ASB3: variants seen among roughly 807,000 people sequenced by gnomAD.
The protein encoded by ASB3 is ankyrin repeat and SOCS box protein 3.
In ASB3, 41 loss-of-function variants were observed where a neutral mutation model predicts 54.5. That is an observed-to-expected ratio of 0.75 (90% confidence interval 0.59 to 0.98). ASB3 has a LOEUF of 0.98. ASB3 is among the 50% of genes least tolerant of loss of function. The probability of loss-of-function intolerance (pLI) is 0.00; values close to 1 mark genes in which losing one functional copy is unlikely to be tolerated. For missense variants in ASB3, 733 were observed against 620.0 expected, an observed-to-expected ratio of 1.18 and a Z score of -1.94; for synonymous variants, 266 against 221.2, an observed-to-expected ratio of 1.20 and a Z score of -1.80.
Position 53,765,508 on chromosome 2 carries a change from T to A in ASB3, c.65A>T (p.Asn22Ile), listed in dbSNP as rs745841024. 5 of 1,614,086 alleles carry A rather than the reference T, an allele frequency of 3.1e-6. No homozygotes were observed. In the South Asian group the frequency reaches 5.5e-5, roughly 18 times the overall value. Residue 22 changes from asparagine to isoleucine, a missense_variant, in exon 2 of 10, where the codon AAT (asparagine) becomes ATT (isoleucine). Asn to Ile is a moderately radical substitution (Grantham distance 149, BLOSUM62 -3). Transcript: ENST00000263634. The part of the protein sequence containing the change: ...STVGLAAREG[N>I]VKVLRKLLKK... ...GAGCAGTTTCCTTAAGACTTTAACATTGCCTTCCCTGGCAGCAAGTCCAAC... is the reference window on the plus strand; with the variant it reads ...GAGCAGTTTCCTTAAGACTTTAACAATGCCTTCCCTGGCAGCAAGTCCAAC...
intron 2 of ASB3, among the ~76,000 whole-genome samples, chr2:53,762,616 G>T (rs1171504833): frequency 6.6e-6 from 1 of 151,932 alleles, no homozygotes; most frequent in Non-Finnish European, 1.5e-5. Context: ...GATTTTTAAG[G>T]GACTTTTAGT....
chr2:53,736,086 C>T (rs935074486), intron 3 of ASB3, among the ~76,000 whole-genome samples: 1 of 148,036 alleles, frequency 6.8e-6, no homozygotes, highest in African/African-American at 2.5e-5. Context: ...AAGCAATAAA[C>T]ATAAAGGTAA....
At chr2:53,674,899 C>G (rs1224038475) in intron 9 of ASB3, among the ~76,000 whole-genome samples, 1 of 151,832 alleles carries the variant, frequency 6.6e-6, no homozygotes, top group African/African-American at 2.4e-5. Flanking sequence ...GACATGAAGT[C>G]AAAACAATAG....
intron 2 of ASB3, among the ~76,000 whole-genome samples, chr2:53,753,892 T>C (rs1185438575): frequency 2.0e-5 from 3 of 152,008 alleles, no homozygotes; most frequent in Non-Finnish European, 4.4e-5. Flanking sequence ...CTGCCCGACT[T>C]GGCCTCCCAA....
chr2:53,783,214 T>C (rs1304095826), intron 1 of ASB3, among the ~76,000 whole-genome samples: 1 of 152,058 alleles, frequency 6.6e-6, no homozygotes, highest in Non-Finnish European at 1.5e-5. Flanking sequence ...GAAATTCATG[T>C]CATGAGAACA....
intron 3 of ASB3, among the ~76,000 whole-genome samples, chr2:53,750,312 G>A (rs918427162): frequency 2.6e-5 from 4 of 152,114 alleles, no homozygotes; most frequent in African/African-American, 9.6e-5. Context: ...TTAAAAAACA[G>A]TCTGTAACAG....
At position 53,670,703 on chromosome 2, in the gene ASB3, A is replaced by C; in HGVS notation, c.1370-13T>G. 1 of 1,592,326 alleles carries C rather than the reference A, an allele frequency of 6.3e-7. No homozygotes were observed. Among genetic ancestry groups the C allele is most frequent in the Non-Finnish European group, 8.5e-7 (1 of 1,171,296 alleles). ...GATGGAACAGTGGCTGGAGAAACAA[A>C]AAAAGCAAGGTGAAACTTTTTTAAA... is the stretch of plus-strand genomic sequence containing the variant. On this transcript the variant is annotated splice_polypyrimidine_tract_variant and intron_variant, in intron 9 of 9. Transcript: ENST00000263634.
At position 53,699,534 on chromosome 2, in the gene ASB3, T is replaced by C. The variant is rs539610521; in HGVS notation, c.1238+737A>G. Among the ~76,000 whole-genome samples the C allele has an allele frequency of 8.5e-5, 13 of 152,336 alleles. No homozygotes were observed. The South Asian group carries it at 2.3e-3, about 27-fold the overall frequency. On this transcript the variant is annotated intron_variant, in intron 8 of 9. Coordinates refer to ENST00000263634, the MANE Select transcript of ASB3 (RefSeq NM_016115.5). ...GGACAGACATCACACGGGGTAAGAA[T>C]TGAAACACGAAAGTGAAGACTTCTA... is the stretch of plus-strand genomic sequence containing the variant.
At chr2:53,696,762 A>C (rs922771748) in intron 8 of ASB3, among the ~76,000 whole-genome samples, 1 of 151,688 alleles carries the variant, frequency 6.6e-6, no homozygotes, top group Admixed American at 6.6e-5. Context: ...ATACAGTACA[A>C]CAACTATTTA....
intron 2 of ASB3, among the ~76,000 whole-genome samples, chr2:53,762,570 A>C (rs568535396): frequency 2.6e-5 from 4 of 152,376 alleles, no homozygotes; most frequent in Admixed American, 2.0e-4. Flanking sequence ...TTAGCCAAAT[A>C]AAAGTATTTT....
chr2:53,718,023 G>C (rs1257720113), intron 5 of ASB3, among the ~76,000 whole-genome samples: 1 of 152,170 alleles, frequency 6.6e-6, no homozygotes, highest in Non-Finnish European at 1.5e-5. Flanking sequence ...AAAAGGCTTT[G>C]AGAAATATTT....
rs374422048 is a variant in ASB3, at chr2:53,693,391, C to G, written c.1369+493G>C. On this transcript the variant is annotated intron_variant, in intron 9 of 9. Transcript: ENST00000263634. ...ACCAGTTCACAGAATGTGCACTCAG[C>G]TTATCTCCACAGTTATACCATACCA... Among the ~76,000 whole-genome samples the G allele has an allele frequency of 2.0e-4, 30 of 152,176 alleles. No homozygotes were observed. In the South Asian group the frequency reaches 6.0e-3, roughly 31 times the overall value.
chr2:53,777,367 C>T (rs990450776), intron 1 of ASB3, among the ~76,000 whole-genome samples: 5 of 152,190 alleles, frequency 3.3e-5, no homozygotes, highest in Admixed American at 3.3e-4. Flanking sequence ...GTGCATCAGA[C>T]ACTAGTGATC....
At chr2:53,732,720 TA>T (rs1292795623) in intron 3 of ASB3, among the ~76,000 whole-genome samples, 5 of 152,188 alleles carry the variant, frequency 3.3e-5, no homozygotes, top group African/African-American at 1.2e-4. Flanking sequence ...ATGACAAAAG[TA>T]AAACTTACAC....
At chr2:53,729,390 G>A (rs552102685) in intron 4 of ASB3, 68 bp downstream of exon 4, 1 of 1,527,284 alleles carries the variant, frequency 6.5e-7, no homozygotes, top group Non-Finnish European at 9.0e-7. Context: ...AAACTGCATA[G>A]GACTGTCATT....
chr2:53,756,274 T>A (rs1672820385), intron 2 of ASB3, among the ~76,000 whole-genome samples: 1 of 152,204 alleles, frequency 6.6e-6, no homozygotes, highest in Non-Finnish European at 1.5e-5. Context: ...AATCCAGCAG[T>A]CTCTGAAGAG....
rs188050139 is a variant in ASB3, at chr2:53,706,958, T to C, written c.981-6430A>G. Among the ~76,000 whole-genome samples the C allele has an allele frequency of 2.8e-4, 43 of 152,336 alleles. 1 individual carries two copies. In the East Asian group the frequency reaches 6.7e-3, roughly 24 times the overall value. On this transcript the variant is annotated intron_variant, in intron 7 of 9. Transcript: ENST00000263634. ...GTCTTTAGGAACACTGGGTTGTCCG[T>C]TCCAGAAAGAGGAAATAAATACTAT... is the stretch of plus-strand genomic sequence containing the variant.
chr2:53,764,053 A>C (rs1234888022), intron 2 of ASB3, among the ~76,000 whole-genome samples: 1 of 152,170 alleles, frequency 6.6e-6, no homozygotes, highest in Non-Finnish European at 1.5e-5. Context: ...ACAACAACAA[A>C]AAAAACACCT....
intron 9 of ASB3, among the ~76,000 whole-genome samples, chr2:53,692,766 G>A (rs1210791692): frequency 6.6e-6 from 1 of 152,054 alleles, no homozygotes; most frequent in Admixed American, 6.6e-5. Flanking sequence ...TAGTCTATCT[G>A]TTCTGAACAG....
Sources: gnomAD v4.1 joint callset for allele counts (sites outside exome capture counted in the v4.1 genomes callset) on GRCh38, gnomAD v4.1.1 for gene constraint, MANE v1.5 for transcripts, NCBI Gene and HGNC (gene_info 2026-07-23, HGNC 2026-07-21) for gene names.